Variants in HYCC1 observed in about 807,000 individuals in gnomAD.
HYCC1 encodes hyccin PI4KA lipid kinase complex subunit 1.
the HYCC1 span, among the ~76,000 whole-genome samples, chr7:22,992,272 T>C: frequency 6.6e-6 from 1 of 152,028 alleles, no homozygotes; most frequent in Non-Finnish European, 1.5e-5. Flanking sequence ...AAAACATGAT[T>C]AAAACATTTT....
chr7:22,941,426 C>T, the HYCC1 span: 7 of 151,962 alleles, frequency 4.6e-5, no homozygotes, highest in African/African-American at 1.4e-4. Context: ...CCAAAGTCGT[C>T]GTTTATTCTT....
the HYCC1 span, chr7:22,941,129 T>C: frequency 6.6e-6 from 1 of 152,176 alleles, no homozygotes; most frequent in Non-Finnish European, 1.5e-5. Context: ...CATTGTCTTA[T>C]CACTTACCCC....
At chr7:22,994,042 G>A in the HYCC1 span, among the ~76,000 whole-genome samples, 3 of 152,162 alleles carry the variant, frequency 2.0e-5, no homozygotes, top group East Asian at 3.9e-4. Flanking sequence ...GTGTAATGGC[G>A]CTACCACAGC....
At chr7:22,984,080 T>C in the HYCC1 span, 1 of 1,305,210 alleles carries the variant, frequency 7.7e-7, no homozygotes, top group Non-Finnish European at 1.1e-6. Flanking sequence ...TTTACTTTTA[T>C]GAAATGTCCA....
chr7:23,000,620 C>T, the HYCC1 span, among the ~76,000 whole-genome samples: 5 of 152,132 alleles, frequency 3.3e-5, no homozygotes, highest in Non-Finnish European at 7.4e-5. Flanking sequence ...CTTCAACAAA[C>T]GATCTCTCCT....
chr7:22,994,851 G>C, the HYCC1 span, among the ~76,000 whole-genome samples: 3 of 152,038 alleles, frequency 2.0e-5, no homozygotes, highest in African/African-American at 7.2e-5. Flanking sequence ...AGAAGCTACA[G>C]ACACCTAGAT....
chr7:22,925,744 T>A, the HYCC1 span, among the ~76,000 whole-genome samples: 1 of 152,070 alleles, frequency 6.6e-6, no homozygotes. Context: ...TGGAACCGAG[T>A]TGGAAAACAC....
the HYCC1 span, among the ~76,000 whole-genome samples, chr7:22,908,171 G>A: frequency 1.1e-4 from 16 of 152,192 alleles, no homozygotes; most frequent in Non-Finnish European, 2.1e-4. Context: ...ATGAAAAATA[G>A]GGAAATGCAC....
At chr7:22,947,306 G>A in the HYCC1 span, 286 of 1,429,042 alleles carry the variant, frequency 2.0e-4, no homozygotes, top group Middle Eastern at 5.3e-4. Context: ...AACGTGAAAT[G>A]AGAAAAGCAA....
the HYCC1 span, among the ~76,000 whole-genome samples, chr7:22,988,843 T>C: frequency 1.3e-5 from 2 of 152,294 alleles, no homozygotes; most frequent in African/African-American, 4.8e-5. Flanking sequence ...ATGTAACTAC[T>C]CTGGCTATTC....
the HYCC1 span, among the ~76,000 whole-genome samples, chr7:22,915,218 A>G: frequency 6.6e-6 from 1 of 152,218 alleles, no homozygotes; most frequent in Non-Finnish European, 1.5e-5. Flanking sequence ...ACCCCACAAC[A>G]GGACTTAATT....
At chr7:22,988,054 A>G in the HYCC1 span, among the ~76,000 whole-genome samples, 7 of 152,174 alleles carry the variant, frequency 4.6e-5, no homozygotes, top group East Asian at 9.6e-4. Context: ...TCTATATTCT[A>G]TTACCTCTGG....
At chr7:22,945,734 G>A in the HYCC1 span, 1 of 1,613,764 alleles carries the variant, frequency 6.2e-7, no homozygotes, top group Non-Finnish European at 8.5e-7. Context: ...ATCTGTCCCA[G>A]CCCCACAACC....
chr7:22,944,633 G>A, the HYCC1 span: 1 of 152,160 alleles, frequency 6.6e-6, no homozygotes, highest in East Asian at 1.9e-4. Context: ...TGCATTTGCA[G>A]ACAAACAATT....
chr7:22,912,113 CA>C, the HYCC1 span, among the ~76,000 whole-genome samples: 1 of 152,226 alleles, frequency 6.6e-6, no homozygotes, highest in Non-Finnish European at 1.5e-5. Context: ...GGCATACAAG[CA>C]TAGCTGATAA....
the HYCC1 span, chr7:22,960,318 G>C: frequency 3.1e-6 from 5 of 1,613,724 alleles, no homozygotes; most frequent in Non-Finnish European, 4.2e-6. Context: ...TGATATTCGA[G>C]AGGAAGTTGG....
At chr7:22,989,753 C>T in the HYCC1 span, among the ~76,000 whole-genome samples, 1 of 152,028 alleles carries the variant, frequency 6.6e-6, no homozygotes, top group Admixed American at 6.6e-5. Flanking sequence ...CAATTCATGG[C>T]TATAAAAGCT....
At chr7:23,004,079 T>C in the HYCC1 span, among the ~76,000 whole-genome samples, 2 of 152,222 alleles carry the variant, frequency 1.3e-5, no homozygotes, top group African/African-American at 2.4e-5. Flanking sequence ...GGCTGAAATA[T>C]AAAATTATTT....
the HYCC1 span, among the ~76,000 whole-genome samples, chr7:22,959,159 A>C: frequency 6.6e-6 from 1 of 152,174 alleles, no homozygotes; most frequent in Non-Finnish European, 1.5e-5. Context: ...CCTCTTTTAT[A>C]CTTTCCTATG....
Sources: gnomAD v4.1 joint callset for allele counts (sites outside exome capture counted in the v4.1 genomes callset) on GRCh38, gnomAD v4.1.1 for gene constraint, MANE v1.5 for transcripts, NCBI Gene and HGNC (gene_info 2026-07-23, HGNC 2026-07-21) for gene names.